The following ORM2 variants were observed in gnomAD, a reference collection of about 807,000 sequenced individuals.
The protein encoded by ORM2 is orosomucoid 2.
ORM2 carries 19 observed loss-of-function variants against 26.8 expected under a neutral mutation model. The observed-to-expected ratio is 0.71, with a 90% CI of 0.49 to 1.04. The LOEUF (loss-of-function observed/expected upper bound fraction) is 1.04, where lower values mean the gene tolerates loss of function less well. Among genes scored for constraint, ORM2 ranks in the 50% least tolerant of loss-of-function variants. ORM2 has a pLI of 0.00. For missense variants in ORM2, 259 were observed against 244.9 expected, an observed-to-expected ratio of 1.06 and a Z score of -0.39; for synonymous variants, 94 against 100.0, an observed-to-expected ratio of 0.94 and a Z score of 0.36.
At chr9:114,331,235 G>A (rs1343772593) in intron 3 of ORM2, among the ~76,000 whole-genome samples, 1 of 152,056 alleles carries the variant, frequency 6.6e-6, no homozygotes, top group Admixed American at 6.5e-5. Context: ...CATCACCGCA[G>A]AGGTGGCACA....
At chr9:114,330,762 G>A (rs1360191119) in intron 2 of ORM2, 30 bp from the exon 3 acceptor site, 2 of 1,611,430 alleles carry the variant, frequency 1.2e-6, no homozygotes, top group Non-Finnish European at 8.5e-7. Context: ...TAACATTACT[G>A]TTTTTCTTCC....
intron 5 of ORM2, among the ~76,000 whole-genome samples, chr9:114,332,615 T>C (rs1010213017): frequency 7.2e-5 from 11 of 152,016 alleles, no homozygotes; most frequent in African/African-American, 2.7e-4. Flanking sequence ...TCCTGCCCCA[T>C]CCCCAGCCCC....
Position 114,330,798 on chromosome 9 carries a change from C to T in ORM2, c.264C>T (p.Asn88=), listed in dbSNP as rs775419670. The T allele has an allele frequency of 6.2e-7, 1 of 1,613,822 alleles. No individual in the cohort carries two copies. The highest frequency in any genetic ancestry group is 8.5e-7 in the Non-Finnish European group (1 of 1,179,850). ...GCCTTCTGGTTGACTTTAGCCAGAA[C>T]CAGTGCTTCTATAACTCCAGTTACC... The part of the protein sequence containing the change: ...IFLREYQTRQ[N]QCFYNSSYLN... Residue 88 remains asparagine, a synonymous_variant, in exon 3 of 6, where the codon AAC becomes AAT. Transcript: ENST00000431067.
chr9:114,330,916 C>A (rs1829841243), intron 3 of ORM2, 54 bp downstream of exon 3: 5 of 1,476,058 alleles, frequency 3.4e-6, no homozygotes, highest in Non-Finnish European at 3.8e-6. Context: ...GGCAGGCCAG[C>A]ATAAGGTGGG....
At chr9:114,330,949 G>A in intron 3 of ORM2, 87 bp downstream of exon 3, 1 of 1,093,262 alleles carries the variant, frequency 9.1e-7, no homozygotes, top group East Asian at 2.4e-5. Context: ...AGCCCTGGAG[G>A]CTTTGGGCAC....
rs746247071 is a variant in ORM2 at position 114,331,778 on chromosome 9, C to G, written c.437-48C>G. The G allele has an allele frequency of 6.1e-5, 98 of 1,598,914 alleles. No individual in the cohort carries two copies. The Middle Eastern group carries it at 6.9e-4, about 11-fold the overall frequency. On this transcript the variant is annotated intron_variant, in intron 4 of 5. Coordinates refer to ENST00000431067, the MANE Select transcript of ORM2 (RefSeq NM_000608.4). ...AGAACCCCAGCCCTCCCTGGCCTCC[C>G]GCCGGGCCCCACCATGTCCCCAGTC...
At chr9:114,330,894 C>T in intron 3 of ORM2, 32 bp downstream of exon 3, 1 of 1,590,288 alleles carries the variant, frequency 6.3e-7, no homozygotes, top group Non-Finnish European at 8.6e-7. Flanking sequence ...GGAGGGTTCA[C>T]CGTGGGAACA....
At chr9:114,331,542 C>T (rs777669585) in intron 3 of ORM2, 25 bp from the exon 4 acceptor site, 9 of 1,586,598 alleles carry the variant, frequency 5.7e-6, no homozygotes, top group Admixed American at 5.0e-5. Flanking sequence ...CATGTTCTCA[C>T]CCAGAGGCTC....
chr9:114,331,725 C>T, intron 4 of ORM2, 51 bp downstream of exon 4: 1 of 1,586,494 alleles, frequency 6.3e-7, no homozygotes. Context: ...GCCTCACCCC[C>T]CATTCACCCA....
At chr9:114,330,750 G>C (rs202076775) in intron 2 of ORM2, 42 bp from the exon 3 acceptor site, 9 of 1,606,748 alleles carry the variant, frequency 5.6e-6, no homozygotes, top group Non-Finnish European at 6.0e-6. Context: ...ACTTCTCCTC[G>C]ATAACATTAC....
At chr9:114,332,610 C>T (rs1168328552) in intron 5 of ORM2, among the ~76,000 whole-genome samples, 1 of 152,014 alleles carries the variant, frequency 6.6e-6, no homozygotes. Context: ...CTACCTCCTG[C>T]CCCATCCCCA....
At chr9:114,332,651 C>T (rs1017481861) in intron 5 of ORM2, among the ~76,000 whole-genome samples, 6 of 152,056 alleles carry the variant, frequency 3.9e-5, no homozygotes, top group South Asian at 2.1e-4. Flanking sequence ...GGCTTATGAA[C>T]GCAACCACTG....
intron 5 of ORM2, among the ~76,000 whole-genome samples, chr9:114,332,319 T>G (rs1006408131): frequency 5.3e-5 from 8 of 152,172 alleles, no homozygotes; most frequent in African/African-American, 1.9e-4. Context: ...GAATTGATAC[T>G]GTGGTTTTCA....
intron 4 of ORM2, 24 bp downstream of exon 4, chr9:114,331,698 A>G (rs747909999): frequency 1.1e-5 from 18 of 1,604,082 alleles, no homozygotes; most frequent in Non-Finnish European, 1.5e-5. Context: ...GCAGCCCCAA[A>G]CTCATGCCCC....
Position 114,333,158 on chromosome 9 carries a change from C to G in ORM2, c.*24C>G. On this transcript the variant is annotated 3_prime_UTR_variant, in exon 6 of 6. Transcript: ENST00000431067. ...AGCAGGACACAGCCTTGGATCAGGACAGAGACTTGGGGGCCATCCTGCCCC... is the reference window on the plus strand; with the variant it reads ...AGCAGGACACAGCCTTGGATCAGGAGAGAGACTTGGGGGCCATCCTGCCCC... 6.5e-7 allele frequency: 1 copy of G among 1,533,604 alleles called. No homozygotes were observed. Among genetic ancestry groups the G allele is most frequent in the Non-Finnish European group, 8.8e-7 (1 of 1,130,870 alleles). 95.0% of individuals were successfully genotyped at this position (1,533,604 alleles called of 1,614,324 possible). A position where few individuals can be genotyped will look rare whatever the true frequency, so the allele number is the denominator to read the frequency against.
chr9:114,330,892 C>T lies in ORM2; in HGVS notation c.328+30C>T. On this transcript the variant is annotated intron_variant, in intron 3 of 5. Coordinates refer to ENST00000431067, the MANE Select transcript of ORM2 (RefSeq NM_000608.4). ...GGGCCAGCCCTCAGGCAGGAGGGTTCACCGTGGGAACAGGGCAGGCCAGCA... is the reference window on the plus strand; with the variant it reads ...GGGCCAGCCCTCAGGCAGGAGGGTTTACCGTGGGAACAGGGCAGGCCAGCA... The T allele has an allele frequency of 3.8e-6, 6 of 1,594,964 alleles. No individual in the cohort carries two copies. In the South Asian group the frequency reaches 5.5e-5, roughly 15 times the overall value.
At position 114,329,967 on chromosome 9, in the gene ORM2, A is replaced by G; in HGVS notation, c.63A>G (p.Pro21=). The G allele has an allele frequency of 6.4e-7, 1 of 1,551,352 alleles. No individual in the cohort carries two copies. The highest frequency in any genetic ancestry group is 1.1e-5 in the South Asian group (1 of 88,668). The part of the protein sequence containing the change: ...SLLPLLEAQI[P]LCANLVPVPI... The stretch of plus-strand genomic sequence containing the variant: ...TACCTCTGCTGGAAGCCCAGATCCC[A>G]TTGTGTGCCAACCTAGTACCGGTGC... Residue 21 remains proline, a synonymous_variant, in exon 1 of 6, where the codon CCA becomes CCG. Transcript: ENST00000431067.
chr9:114,331,452 C>T (rs560323510), intron 3 of ORM2, 115 bp from the exon 4 acceptor site: 120 of 802,014 alleles, frequency 1.5e-4, no homozygotes, highest in Middle Eastern at 1.2e-3. Flanking sequence ...AAAGGAGACC[C>T]GGGCCTTCAC....
At chr9:114,330,616 T>C (rs1276205614) in intron 2 of ORM2, 40 bp downstream of exon 2, 1 of 1,608,278 alleles carries the variant, frequency 6.2e-7, no homozygotes. Context: ...TCTCAGCTTC[T>C]GGCCAGAAGA....
Sources: gnomAD v4.1 joint callset for allele counts (sites outside exome capture counted in the v4.1 genomes callset) on GRCh38, gnomAD v4.1.1 for gene constraint, MANE v1.5 for transcripts, NCBI Gene and HGNC (gene_info 2026-07-23, HGNC 2026-07-21) for gene names.